NINL: variants seen among roughly 807,000 people sequenced by gnomAD.
NINL encodes ninein-like protein.
In NINL, 153 loss-of-function variants were observed where a neutral mutation model predicts 160.3. That is an observed-to-expected ratio of 0.95 (90% CI 0.84 to 1.09). The LOEUF (loss-of-function observed/expected upper bound fraction) is 1.09. Ranked by LOEUF, NINL falls within the 50% of genes least tolerant of loss-of-function variation. The pLI is 0.00. For missense variants in NINL, 1,829 were observed against 1,764.0 expected (o/e 1.04, Z -0.66); for synonymous variants, 800 against 734.8 (o/e 1.09, Z -1.43).
At chr20:25,505,678 C>A (rs1015497445) in intron 5 of NINL, among the ~76,000 whole-genome samples, 1 of 152,162 alleles carries the variant, frequency 6.6e-6, no homozygotes, top group African/African-American at 2.4e-5. Context: ...GGAAGCACAG[C>A]AATGCTGGTC....
chr20:25,561,130 C>T (rs2064931024), intron 1 of NINL, among the ~76,000 whole-genome samples: 2 of 151,874 alleles, frequency 1.3e-5, no homozygotes, highest in African/African-American at 4.8e-5. Flanking sequence ...TCACTGCAAC[C>T]TCCCTGCCTG....
Position 25,489,970 on chromosome 20 carries a change from G to T in NINL, c.1501C>A (p.Gln501Lys). The change falls in exon 12 of 24, where the codon CAG becomes AAG. Residue 501 changes from glutamine to lysine, a missense_variant. Physicochemically the swap from Gln to Lys is moderately conservative, Grantham distance 53. Coordinates refer to ENST00000278886, the MANE Select transcript of NINL (RefSeq NM_025176.6). ...TLALKENSRL[Q>K]KEIVEVVEKL... ...TCCACCACTTCCACAATCTCCTTCT[G>T]TAGGCGACTGTTTTCCTAGGAGACA... is the stretch of plus-strand genomic sequence containing the variant. The T allele has an allele frequency of 6.2e-7, 1 of 1,614,162 alleles. No individual in the cohort carries two copies. The highest frequency in any genetic ancestry group is 1.1e-5 in the South Asian group (1 of 91,086).
chr20:25,517,110 G>A (rs968927987), intron 3 of NINL, among the ~76,000 whole-genome samples: 20 of 151,932 alleles, frequency 1.3e-4, no homozygotes, highest in Admixed American at 2.6e-4. Context: ...GGTCCCTTCC[G>A]CTTTCCCGTC....
intron 7 of NINL, among the ~76,000 whole-genome samples, chr20:25,503,285 G>A (rs939831619): frequency 7.2e-6 from 1 of 139,838 alleles, no homozygotes; most frequent in Non-Finnish European, 1.5e-5. Flanking sequence ...GAGCAGCCAT[G>A]TTCCTCACCT....
intron 1 of NINL, among the ~76,000 whole-genome samples, chr20:25,583,021 TA>T: frequency 6.6e-6 from 1 of 152,078 alleles, no homozygotes; most frequent in South Asian, 2.1e-4. Flanking sequence ...CCCAAAACCA[TA>T]AAAAACCTAA....
At position 25,585,485 on chromosome 20, in the gene NINL, G is replaced by T. The variant is rs555814365; in HGVS notation, c.-42C>A. 2.6e-5 allele frequency: 4 copies of T among 152,198 alleles called. No homozygotes were observed. The highest frequency in any genetic ancestry group is 6.5e-5 in the Admixed American group (1 of 15,274). The allele number at this position is 152,198 out of a possible 1,614,324, so 9.4% of individuals were successfully genotyped here. ...AGGCGCCTCCGCCGTCCGCCCGCGCGGGGCCAGGAGCGCGGCACCACCCCC... is the reference window on the plus strand; with the variant it reads ...AGGCGCCTCCGCCGTCCGCCCGCGCTGGGCCAGGAGCGCGGCACCACCCCC... On this transcript the variant is annotated 5_prime_UTR_variant, in exon 1 of 24. Coordinates refer to ENST00000278886, the MANE Select transcript of NINL (RefSeq NM_025176.6).
In NINL at chr20:25,458,444, T is replaced by C; in HGVS notation, c.3782A>G (p.Glu1261Gly). Reference sequence around the variant, plus strand: ...CTGAAGGCTGAGCAGGCGATGCAGCTCGGCCACACGGTCCTGGGGCACCAG... The same window carrying C: ...CTGAAGGCTGAGCAGGCGATGCAGCCCGGCCACACGGTCCTGGGGCACCAG... Reference protein sequence around the residue: ...VRLVPQDRVAELHRLLSLQGE... With the variant: ...VRLVPQDRVAGLHRLLSLQGE... The change falls in exon 22 of 24, where the codon GAG (glutamate) becomes GGG (glycine). Residue 1261 changes from glutamate to glycine, a missense_variant. Transcript: ENST00000278886. 6.2e-7 allele frequency: 1 copy of C among 1,605,798 alleles called. No individual in the cohort carries two copies. The highest frequency in any genetic ancestry group is 8.5e-7 in the Non-Finnish European group (1 of 1,179,966).
At chr20:25,494,024 A>C (rs916775863) in intron 10 of NINL, among the ~76,000 whole-genome samples, 1 of 152,004 alleles carries the variant, frequency 6.6e-6, no homozygotes, top group Admixed American at 6.5e-5. Flanking sequence ...AGTGGCACCA[A>C]GAACGTACAC....
intron 12 of NINL, 54 bp downstream of exon 12, chr20:25,489,821 C>A (rs2063584124): frequency 4.6e-6 from 7 of 1,505,904 alleles, no homozygotes; most frequent in Non-Finnish European, 6.5e-6. Flanking sequence ...GCCACCCCCA[C>A]TCTGCCCAGC....
chr20:25,497,414 G>T (rs550845420), intron 9 of NINL, among the ~76,000 whole-genome samples: 1 of 152,334 alleles, frequency 6.6e-6, no homozygotes, highest in African/African-American at 2.4e-5. Context: ...GCCAGGGGAG[G>T]GACCTGGGCA....
chr20:25,481,717 GC>G, intron 14 of NINL: 8 of 546,518 alleles, frequency 1.5e-5, no homozygotes, highest in Non-Finnish European at 6.5e-6. Context: ...TGTGGGAACA[GC>G]CTGGGCCAGC....
chr20:25,533,220 C>T lies in NINL; in HGVS notation c.-11-6622G>A, dbSNP rs1425981082. ...CCAATGTTCACACACACTCCAATCC[C>T]TGGAGTCTGGAGCCGATGATGCCAG... On this transcript the variant is annotated intron_variant, in intron 1 of 23. Coordinates refer to ENST00000278886, the MANE Select transcript of NINL (RefSeq NM_025176.6). Among the ~76,000 whole-genome samples the T allele has an allele frequency of 2.0e-5, 3 of 152,156 alleles. No homozygotes were observed. The East Asian group carries it at 5.8e-4, about 29-fold the overall frequency.
chr20:25,515,655 G>A (rs6138591), intron 3 of NINL, among the ~76,000 whole-genome samples: 4 of 152,208 alleles, frequency 2.6e-5, no homozygotes, highest in Non-Finnish European at 5.9e-5. Context: ...CAATGGTGGA[G>A]GAAGGGCCTG....
intron 18 of NINL, among the ~76,000 whole-genome samples, chr20:25,469,300 C>A (rs2063027441): frequency 7.0e-6 from 1 of 143,036 alleles, no homozygotes; most frequent in Non-Finnish European, 1.5e-5. Flanking sequence ...CGCCCCACTG[C>A]CCTGTCCCCC....
Position 25,504,922 on chromosome 20 carries a change from C to A in NINL, c.674G>T (p.Cys225Phe), listed in dbSNP as rs765422718. ...HLSEQELAVV[C>F]QSVGLQGLEK... ...GAGTCCCTGGAGCCCGACGCTCTGGCAGACCACAGCCAGCTCCTGCTCGCT... is the reference window on the plus strand; with the variant it reads ...GAGTCCCTGGAGCCCGACGCTCTGGAAGACCACAGCCAGCTCCTGCTCGCT... The change falls in exon 6 of 24, where the codon TGC becomes TTC. Residue 225 changes from cysteine to phenylalanine, a missense_variant. Coordinates refer to ENST00000278886, the MANE Select transcript of NINL (RefSeq NM_025176.6). 4 of 1,612,016 alleles carry A rather than the reference C, an allele frequency of 2.5e-6. No homozygotes were observed. In the African/African-American group the frequency reaches 4.0e-5, roughly 16 times the overall value.
intron 2 of NINL, among the ~76,000 whole-genome samples, chr20:25,519,050 T>G (rs1367260693): frequency 3.6e-5 from 5 of 138,078 alleles, no homozygotes; most frequent in Non-Finnish European, 6.0e-5. Flanking sequence ...TGAGCCGAGA[T>G]AGCGCCATTG....
chr20:25,542,929 A>G (rs2064687171), intron 1 of NINL, among the ~76,000 whole-genome samples: 1 of 150,802 alleles, frequency 6.6e-6, no homozygotes, highest in African/African-American at 2.4e-5. Context: ...AATCCCAGCT[A>G]CTTGGGAGGC....
Position 25,504,912 on chromosome 20 carries a change from G to A in NINL, c.684C>T (p.Val228=), listed in dbSNP as rs1391490968. The change falls in exon 6 of 24, where the codon GTC becomes GTT. Residue 228 remains valine, a synonymous_variant. Transcript: ENST00000278886. ...EQELAVVCQS[V]GLQGLEKEEL... ...CCTCTTTCTCGAGTCCCTGGAGCCC[G>A]ACGCTCTGGCAGACCACAGCCAGCT... The A allele has an allele frequency of 8.7e-6, 14 of 1,611,612 alleles. No homozygotes were observed. Among genetic ancestry groups the A allele is most frequent in the South Asian group, 5.5e-5 (5 of 91,010 alleles).
At chr20:25,556,272 AG>A (rs2064865718) in intron 1 of NINL, among the ~76,000 whole-genome samples, 6 of 152,146 alleles carry the variant, frequency 3.9e-5, no homozygotes, top group African/African-American at 1.4e-4. Context: ...TGACAGAGCA[AG>A]ACCCTGTCTC....
Sources: gnomAD v4.1 joint callset for allele counts (sites outside exome capture counted in the v4.1 genomes callset) on GRCh38, gnomAD v4.1.1 for gene constraint, MANE v1.5 for transcripts, NCBI Gene and HGNC (gene_info 2026-07-23, HGNC 2026-07-21) for gene names.